Variants in SHROOM3 observed in about 807,000 individuals in gnomAD.
SHROOM3 encodes the protein protein Shroom3.
Under a neutral mutation model 138.6 loss-of-function variants are expected in SHROOM3, and 47 were observed. The ratio of observed to expected loss-of-function variants is 0.34; its 90% CI spans 0.27 to 0.43. The LOEUF is 0.43. Among genes scored for constraint, SHROOM3 ranks in the 20% least tolerant of loss-of-function variants. The pLI, the probability that SHROOM3 is intolerant of heterozygous loss-of-function variation, is 1.00. For missense variants in SHROOM3, 2,491 were observed against 2,596.5 expected (o/e 0.96, Z 0.88); for synonymous variants, 1,062 against 1,063.3 (o/e 1.00, Z 0.02).
At chr4:76,770,002 G>A (rs572413762) in intron 9 of SHROOM3, among the ~76,000 whole-genome samples, 1 of 152,242 alleles carries the variant, frequency 6.6e-6, no homozygotes, top group Non-Finnish European at 1.5e-5. Flanking sequence ...AGGATCAAAT[G>A]AGAACATGTC....
intron 10 of SHROOM3, among the ~76,000 whole-genome samples, chr4:76,778,113 C>G (rs1161523249): frequency 6.6e-6 from 1 of 152,140 alleles, no homozygotes; most frequent in Admixed American, 6.5e-5. Flanking sequence ...GGAAGAGGGC[C>G]TGAACCCTTG....
chr4:76,505,660 C>G (rs1340366806), intron 1 of SHROOM3, among the ~76,000 whole-genome samples: 2 of 135,788 alleles, frequency 1.5e-5, no homozygotes, highest in Non-Finnish European at 3.2e-5. Context: ...GGTATTGTGA[C>G]TTTTTTTTTT....
At chr4:76,759,423 C>T in intron 8 of SHROOM3, 122 bp from the exon 9 acceptor site, 1 of 1,342,680 alleles carries the variant, frequency 7.4e-7, no homozygotes, top group South Asian at 1.2e-5. Flanking sequence ...CTAGTTTATC[C>T]TAATTTCTGG....
intron 3 of SHROOM3, among the ~76,000 whole-genome samples, chr4:76,718,758 A>G (rs1414451800): frequency 6.6e-6 from 1 of 152,230 alleles, no homozygotes; most frequent in Non-Finnish European, 1.5e-5. Context: ...TTTAGAATAA[A>G]TAACCATCAA....
chr4:76,572,975 G>C (rs1245263683), intron 2 of SHROOM3, among the ~76,000 whole-genome samples: 1 of 151,956 alleles, frequency 6.6e-6, no homozygotes, highest in Non-Finnish European at 1.5e-5. Flanking sequence ...CCAGCTGCTT[G>C]GGAGGCTGAG....
At chr4:76,492,441 C>T (rs1250808991) in intron 1 of SHROOM3, among the ~76,000 whole-genome samples, 2 of 152,278 alleles carry the variant, frequency 1.3e-5, no homozygotes, top group South Asian at 2.1e-4. Flanking sequence ...TTCACAAAAG[C>T]CAACTTTCTT....
intron 2 of SHROOM3, among the ~76,000 whole-genome samples, chr4:76,669,305 A>C (rs546108084): frequency 6.6e-6 from 1 of 152,066 alleles, no homozygotes; most frequent in South Asian, 2.1e-4. Context: ...GTAGGGATAA[A>C]TTACTCTAAA....
intron 2 of SHROOM3, among the ~76,000 whole-genome samples, chr4:76,651,104 G>C (rs1735945753): frequency 6.6e-6 from 1 of 150,734 alleles, no homozygotes; most frequent in East Asian, 2.0e-4. Flanking sequence ...TAAACATAGA[G>C]AGTAGAAGGA....
chr4:76,622,058 T>C (rs1361964706), intron 2 of SHROOM3, among the ~76,000 whole-genome samples: 1 of 152,112 alleles, frequency 6.6e-6, no homozygotes, highest in African/African-American at 2.4e-5. Context: ...CTTGAACTCC[T>C]TACCTCAGGC....
At chr4:76,731,791 C>A (rs344136) in intron 4 of SHROOM3, among the ~76,000 whole-genome samples, 63,331 of 117,940 alleles carry the variant, frequency 0.54, 14,399 homozygotes, top group Middle Eastern at 0.68. Flanking sequence ...AAAAAAAAAA[C>A]AAACAAACAA....
rs1722764052 is a variant in SHROOM3, at chr4:76,782,697, CCTTA to C, written c.*3523_*3526del. ...TTTAGAACAACATGAATTTTATTCA[CCTTA>C]CTATTAGAAAAAGGAATAACTACAG... On this transcript the variant is annotated 3_prime_UTR_variant, in exon 11 of 11. Transcript: ENST00000296043. 1 of 152,222 alleles carries C rather than the reference CCTTA, an allele frequency of 6.6e-6. No homozygotes were observed. The highest frequency in any genetic ancestry group is 2.4e-5 in the African/African-American group (1 of 41,548). 9.4% of individuals were successfully genotyped at this position (152,222 alleles called of 1,614,324 possible).
intron 1 of SHROOM3, among the ~76,000 whole-genome samples, chr4:76,446,811 T>C (rs1168461767): frequency 1.3e-5 from 2 of 152,226 alleles, no homozygotes; most frequent in Admixed American, 6.5e-5. Context: ...GAGTGCTCTT[T>C]ACACCAAACT....
rs143919027 is a variant in SHROOM3 at position 76,619,788 on chromosome 4, G to A, written c.323+64025G>A. Among the ~76,000 whole-genome samples, 29 of 152,166 alleles carry A rather than the reference G, an allele frequency of 1.9e-4. 1 individual carries two copies. The highest frequency in any genetic ancestry group is 1.5e-3 in the East Asian group (8 of 5,174). ...TAAGAAACAATAGGATTGGCCAGGC[G>A]TGGTGGCTCATGCCTCTAATCCTAA... is the stretch of plus-strand genomic sequence containing the variant. On this transcript the variant is annotated intron_variant, in intron 2 of 10. Coordinates refer to ENST00000296043, the MANE Select transcript of SHROOM3 (RefSeq NM_020859.4).
At position 76,756,731 on chromosome 4, in the gene SHROOM3, A is replaced by C; in HGVS notation, c.4992A>C (p.Glu1664Asp). The C allele has an allele frequency of 6.2e-7, 1 of 1,614,194 alleles. No individual in the cohort carries two copies. Among genetic ancestry groups the C allele is most frequent in the East Asian group, 2.2e-5 (1 of 44,886 alleles). ...KVSPDPQKSS[E>D]DIRTEALAKE... ...GTCCTGATCCTCAGAAGAGTTCAGAAGACATCAGAACAGAGGCTTTGGCCA... is the reference window on the plus strand; with the variant it reads ...GTCCTGATCCTCAGAAGAGTTCAGACGACATCAGAACAGAGGCTTTGGCCA... The change falls in exon 8 of 11, where the codon GAA (glutamate) becomes GAC (aspartate). Residue 1664 changes from glutamate to aspartate, a missense_variant. Coordinates refer to ENST00000296043, the MANE Select transcript of SHROOM3 (RefSeq NM_020859.4).
At chr4:76,536,013 C>T (rs1452333411) in intron 1 of SHROOM3, among the ~76,000 whole-genome samples, 1 of 152,224 alleles carries the variant, frequency 6.6e-6, no homozygotes, top group East Asian at 1.9e-4. Context: ...AGACCCAGCG[C>T]TTTCTCAGGC....
intron 9 of SHROOM3, among the ~76,000 whole-genome samples, chr4:76,765,710 T>C (rs1442854305): frequency 6.6e-6 from 1 of 152,170 alleles, no homozygotes; most frequent in Non-Finnish European, 1.5e-5. Context: ...CGGTGTGTCA[T>C]CTTCAAATTG....
chr4:76,750,458 G>A (rs1195473688), intron 6 of SHROOM3, among the ~76,000 whole-genome samples: 1 of 152,072 alleles, frequency 6.6e-6, no homozygotes, highest in Non-Finnish European at 1.5e-5. Flanking sequence ...TGGAAGCTAA[G>A]CATTAAGTAC....
chr4:76,676,097 C>T (rs1275990556), intron 2 of SHROOM3, among the ~76,000 whole-genome samples: 1 of 152,110 alleles, frequency 6.6e-6, no homozygotes, highest in Non-Finnish European at 1.5e-5. Context: ...AAATTAGCTC[C>T]AGGAGTAGAT....
At chr4:76,693,820 CTTT>C (rs71212443) in intron 2 of SHROOM3, among the ~76,000 whole-genome samples, 54 of 141,606 alleles carry the variant, frequency 3.8e-4, no homozygotes, top group African/African-American at 4.9e-4. Flanking sequence ...AGGCAAACTC[CTTT>C]TTTTTTTTTT....
Sources: gnomAD v4.1 joint callset for allele counts (sites outside exome capture counted in the v4.1 genomes callset) on GRCh38, gnomAD v4.1.1 for gene constraint, MANE v1.5 for transcripts, NCBI Gene and HGNC (gene_info 2026-07-23, HGNC 2026-07-21) for gene names.